Variants in PCDHA6 observed in about 807,000 individuals in gnomAD.
PCDHA6 encodes protocadherin alpha 6, also known as protocadherin alpha-6.
PCDHA6 carries 55 observed loss-of-function variants against 60.3 expected under a neutral mutation model. The ratio of observed to expected loss-of-function variants is 0.91; its 90% confidence interval spans 0.73 to 1.14. The LOEUF is 1.14. Ranked by LOEUF, PCDHA6 falls within the 50% of genes most tolerant of loss-of-function variation. The pLI is 0.00. For missense variants in PCDHA6, 1,327 were observed against 1,256.5 expected (o/e 1.06, Z -0.85); for synonymous variants, 652 against 557.9 (o/e 1.17, Z -2.38).
intron 1 of PCDHA6, among the ~76,000 whole-genome samples, chr5:140,945,121 C>T (rs1412218992): frequency 6.6e-6 from 1 of 152,042 alleles, no homozygotes; most frequent in East Asian, 1.9e-4. Context: ...GATAAAAAAT[C>T]AACTTACAAA....
intron 2 of PCDHA6, 171 bp from the exon 3 acceptor site, chr5:140,982,304 C>G: frequency 8.0e-7 from 1 of 1,244,768 alleles, no homozygotes. Context: ...AGCAATGCTT[C>G]TGCAGTTTAT....
At chr5:140,871,624 A>C in intron 1 of PCDHA6, 2 of 1,409,596 alleles carry the variant, frequency 1.4e-6, no homozygotes, top group Non-Finnish European at 9.4e-7. Context: ...TTTAGATAAC[A>C]ATGTCTGTTC....
intron 3 of PCDHA6, among the ~76,000 whole-genome samples, chr5:141,000,403 A>G (rs1233777704): frequency 4.8e-5 from 4 of 84,110 alleles, no homozygotes; most frequent in Non-Finnish European, 9.0e-5. Context: ...CTCTATATAT[A>G]TATATATATA....
intron 1 of PCDHA6, among the ~76,000 whole-genome samples, chr5:140,833,185 A>G (rs1772342478): frequency 6.6e-6 from 1 of 152,226 alleles, no homozygotes; most frequent in African/African-American, 2.4e-5. Flanking sequence ...GACTGCAAGG[A>G]TTAAATGAAG....
chr5:140,869,238 G>A (rs1430399840), intron 1 of PCDHA6: 1 of 1,613,534 alleles, frequency 6.2e-7, no homozygotes, highest in African/African-American at 1.3e-5. Flanking sequence ...GCACCTTCGT[G>A]GGCCGCATCG....
At chr5:140,899,158 T>G (rs1285542285) in intron 1 of PCDHA6, among the ~76,000 whole-genome samples, 1 of 152,188 alleles carries the variant, frequency 6.6e-6, no homozygotes, top group African/African-American at 2.4e-5. Context: ...TGACTTCCTC[T>G]TTTCCTAATT....
intron 1 of PCDHA6, chr5:140,841,941 C>T (rs2150325943): frequency 1.3e-5 from 21 of 1,613,918 alleles, no homozygotes; most frequent in Non-Finnish European, 1.8e-5. Context: ...GACGCTCCTG[C>T]GCACCACTTA....
At chr5:141,004,117 G>A (rs2098153806) in intron 3 of PCDHA6, among the ~76,000 whole-genome samples, 1 of 152,236 alleles carries the variant, frequency 6.6e-6, no homozygotes. Flanking sequence ...TCAAAAGGGA[G>A]TATCTCCATG....
chr5:140,833,353 G>C (rs891169928), intron 1 of PCDHA6, among the ~76,000 whole-genome samples: 3 of 152,096 alleles, frequency 2.0e-5, no homozygotes, highest in African/African-American at 4.8e-5. Flanking sequence ...TCCAGAAAAC[G>C]AACACAGTAA....
Position 140,843,523 on chromosome 5 carries a change from G to A in PCDHA6, c.2394+13038G>A, listed in dbSNP as rs200202372. ...TGCCCACTGAGGGCGGGTGCCGGGCGGGCAAGCCCACTCTGGTGTGCTCCA... is the reference window on the plus strand; with the variant it reads ...TGCCCACTGAGGGCGGGTGCCGGGCAGGCAAGCCCACTCTGGTGTGCTCCA... On this transcript the variant is annotated intron_variant, in intron 1 of 3. Coordinates refer to ENST00000529310, the MANE Select transcript of PCDHA6 (RefSeq NM_018909.4). 1.7e-4 allele frequency: 278 copies of A among 1,595,788 alleles called. 33 individuals carry two copies. The highest frequency in any genetic ancestry group is 2.3e-4 in the Non-Finnish European group (265 of 1,165,554).
chr5:140,908,836 T>C (rs1206116511), intron 1 of PCDHA6, among the ~76,000 whole-genome samples: 4 of 152,200 alleles, frequency 2.6e-5, no homozygotes, highest in African/African-American at 9.7e-5. Flanking sequence ...ATAAATGGGC[T>C]GGAGTAACAT....
chr5:140,897,806 CA>C (rs1351917169), intron 1 of PCDHA6, among the ~76,000 whole-genome samples: 11 of 152,166 alleles, frequency 7.2e-5, no homozygotes, highest in African/African-American at 2.7e-4. Flanking sequence ...GTCCCACCAA[CA>C]GTGTAAAAGT....
chr5:140,920,485 A>G (rs1366888817), intron 1 of PCDHA6, among the ~76,000 whole-genome samples: 3 of 152,164 alleles, frequency 2.0e-5, no homozygotes, highest in Admixed American at 6.5e-5. Context: ...TTTTTGGTCC[A>G]ACAATAGAGT....
chr5:140,947,035 A>T (rs2094072055), intron 1 of PCDHA6, among the ~76,000 whole-genome samples: 1 of 151,748 alleles, frequency 6.6e-6, no homozygotes, highest in Admixed American at 6.6e-5. Flanking sequence ...GGATATACTA[A>T]TTACCCTGAT....
chr5:140,980,039 C>T (rs2096874436), intron 2 of PCDHA6, among the ~76,000 whole-genome samples: 1 of 152,184 alleles, frequency 6.6e-6, no homozygotes, highest in South Asian at 2.1e-4. Context: ...ACATTGGGTG[C>T]TATTTCTGAT....
intron 1 of PCDHA6, among the ~76,000 whole-genome samples, chr5:140,931,201 A>G (rs1444701917): frequency 2.6e-5 from 4 of 152,176 alleles, no homozygotes; most frequent in Admixed American, 2.6e-4. Context: ...CTACAATGCT[A>G]GTATTTCAGG....
intron 1 of PCDHA6, chr5:140,859,600 C>T (rs1562546033): frequency 6.1e-6 from 1 of 162,864 alleles, no homozygotes; most frequent in African/African-American, 2.4e-5. Context: ...TTAGCAATTA[C>T]TTTTTTCTTT....
chr5:140,841,857 T>C, intron 1 of PCDHA6: 3 of 1,613,860 alleles, frequency 1.9e-6, no homozygotes, highest in South Asian at 1.1e-5. Context: ...GATTACTTCA[T>C]GCTAGATGTG....
chr5:140,988,535 A>T (rs1426235004), intron 3 of PCDHA6, among the ~76,000 whole-genome samples: 2 of 152,164 alleles, frequency 1.3e-5, no homozygotes, highest in Non-Finnish European at 2.9e-5. Flanking sequence ...GGCTCCATCC[A>T]TTCATGACTT....
Sources: gnomAD v4.1 joint callset for allele counts (sites outside exome capture counted in the v4.1 genomes callset) on GRCh38, gnomAD v4.1.1 for gene constraint, MANE v1.5 for transcripts, NCBI Gene and HGNC (gene_info 2026-07-23, HGNC 2026-07-21) for gene names.